Variants in GPC5 observed in about 807,000 individuals in gnomAD.
GPC5 encodes the protein glypican 5, also known as glypican-5.
GPC5 carries 47 observed loss-of-function variants against 53.9 expected under a neutral mutation model. The ratio of observed to expected loss-of-function variants is 0.87; its 90% CI spans 0.69 to 1.11. GPC5 has a LOEUF of 1.11. Ranked by LOEUF, GPC5 falls within the 50% of genes most tolerant of loss-of-function variation. GPC5 has a pLI of 0.00. For missense variants in GPC5, 748 were observed against 713.1 expected (o/e 1.05, Z -0.56); for synonymous variants, 286 against 263.3 (o/e 1.09, Z -0.84).
intron 2 of GPC5, among the ~76,000 whole-genome samples, chr13:91,544,537 T>A (rs996810776): frequency 2.6e-5 from 4 of 152,240 alleles, no homozygotes; most frequent in African/African-American, 9.6e-5. Flanking sequence ...CAACATACAG[T>A]CATTAAATAT....
intron 1 of GPC5, among the ~76,000 whole-genome samples, chr13:91,416,169 G>C (rs77333753): frequency 0.035 from 5,334 of 152,072 alleles, 141 homozygotes; most frequent in Non-Finnish European, 0.052. Flanking sequence ...TACAGTATAG[G>C]GCTGCCCATT....
intron 5 of GPC5, among the ~76,000 whole-genome samples, chr13:91,827,718 T>C (rs1183122299): frequency 6.6e-6 from 1 of 152,094 alleles, no homozygotes; most frequent in Non-Finnish European, 1.5e-5. Flanking sequence ...GCTGAGCGTA[T>C]AGAATAACTC....
At chr13:91,887,835 A>C (rs758462866) in intron 5 of GPC5, among the ~76,000 whole-genome samples, 1 of 152,050 alleles carries the variant, frequency 6.6e-6, no homozygotes, top group Non-Finnish European at 1.5e-5. Context: ...AAGTTCCAAA[A>C]TTTTCTACAT....
At chr13:92,659,855 A>T (rs558208564) in intron 7 of GPC5, among the ~76,000 whole-genome samples, 1 of 152,258 alleles carries the variant, frequency 6.6e-6, no homozygotes, top group African/African-American at 2.4e-5. Flanking sequence ...AAAGGAAGGA[A>T]GTCTATCAGA....
intron 7 of GPC5, among the ~76,000 whole-genome samples, chr13:92,862,505 A>T (rs754524223): frequency 2.0e-5 from 3 of 152,012 alleles, no homozygotes; most frequent in African/African-American, 4.8e-5. Context: ...TCACCATTGG[A>T]ATGGTGAAAA....
Position 92,234,747 on chromosome 13 carries a change from G to T in GPC5, c.1561+89758G>T, listed in dbSNP as rs188704826. Among the ~76,000 whole-genome samples, 442 of 152,220 alleles carry T rather than the reference G, an allele frequency of 2.9e-3. 3 individuals are homozygous for T. Among genetic ancestry groups the T allele is most frequent in the African/African-American group, 9.8e-3 (406 of 41,534 alleles). On this transcript the variant is annotated intron_variant, in intron 7 of 7. Transcript: ENST00000377067. ...TTATTTATTTTCTTCTTTGAGAAAG[G>T]AATAGCACTTTTCTCAAAAGAATTC...
intron 7 of GPC5, among the ~76,000 whole-genome samples, chr13:92,346,903 AAAATT>A (rs2043417544): frequency 6.6e-6 from 1 of 152,228 alleles, no homozygotes; most frequent in African/African-American, 2.4e-5. Flanking sequence ...ATTGAACTGA[AAAATT>A]AAATAGATTC....
chr13:92,008,742 C>G (rs2040633616), intron 6 of GPC5, among the ~76,000 whole-genome samples: 1 of 152,082 alleles, frequency 6.6e-6, no homozygotes, highest in Non-Finnish European at 1.5e-5. Context: ...AGATTTTTGA[C>G]ATTACTTCTT....
chr13:91,829,763 G>A (rs1031720423), intron 5 of GPC5, among the ~76,000 whole-genome samples: 5 of 152,100 alleles, frequency 3.3e-5, no homozygotes, highest in African/African-American at 7.2e-5. Context: ...ATCACATGTC[G>A]GTAGGTTCCG....
At chr13:91,432,513 A>G (rs148436401) in intron 1 of GPC5, among the ~76,000 whole-genome samples, 2 of 152,304 alleles carry the variant, frequency 1.3e-5, no homozygotes, top group African/African-American at 4.8e-5. Flanking sequence ...CAGTGATACC[A>G]TTTATGTATA....
intron 7 of GPC5, among the ~76,000 whole-genome samples, chr13:92,523,298 T>C (rs1353715709): frequency 2.6e-5 from 4 of 152,120 alleles, no homozygotes; most frequent in African/African-American, 9.7e-5. Context: ...TTGCTGACAT[T>C]TTCTGGGCTG....
intron 5 of GPC5, among the ~76,000 whole-genome samples, chr13:91,810,558 C>T (rs1055952155): frequency 5.3e-5 from 8 of 151,722 alleles, no homozygotes; most frequent in African/African-American, 1.9e-4. Context: ...AATTTAATTT[C>T]TCAAAGACCT....
intron 6 of GPC5, among the ~76,000 whole-genome samples, chr13:92,061,615 A>T (rs2041124558): frequency 6.6e-6 from 1 of 152,084 alleles, no homozygotes; most frequent in Non-Finnish European, 1.5e-5. Flanking sequence ...TTATCTAGAA[A>T]TATTAAATAG....
chr13:92,792,130 G>A (rs1876487839), intron 7 of GPC5, among the ~76,000 whole-genome samples: 1 of 152,064 alleles, frequency 6.6e-6, no homozygotes, highest in African/African-American at 2.4e-5. Context: ...AGGTTGAAAT[G>A]AAGGAAAAAA....
chr13:91,536,372 G>A (rs1248633294), intron 2 of GPC5, among the ~76,000 whole-genome samples: 2 of 152,124 alleles, frequency 1.3e-5, no homozygotes, highest in African/African-American at 2.4e-5. Context: ...CTCACTAGTG[G>A]CCTCGAGAAA....
chr13:92,727,569 A>T (rs933088104), intron 7 of GPC5, among the ~76,000 whole-genome samples: 2 of 151,328 alleles, frequency 1.3e-5, no homozygotes, highest in Non-Finnish European at 3.0e-5. Context: ...TAATATTACA[A>T]GTGGCCCCAT....
chr13:92,852,977 T>G (rs545493219), intron 7 of GPC5, among the ~76,000 whole-genome samples: 1 of 152,282 alleles, frequency 6.6e-6, no homozygotes, highest in South Asian at 2.1e-4. Flanking sequence ...CAGATCACAC[T>G]TGTCTAACAA....
chr13:91,412,240 T>C (rs1319851901), intron 1 of GPC5, among the ~76,000 whole-genome samples: 2 of 152,274 alleles, frequency 1.3e-5, no homozygotes, highest in Non-Finnish European at 2.9e-5. Context: ...TTTAACCCAG[T>C]GCCTTTTCGT....
At chr13:92,640,092 G>GAT (rs952309817) in intron 7 of GPC5, among the ~76,000 whole-genome samples, 39 of 151,830 alleles carry the variant, frequency 2.6e-4, no homozygotes, top group African/African-American at 8.9e-4. Context: ...GTATGAGACA[G>GAT]ATATATATGT....
Sources: allele counts gnomAD v4.1 joint callset (sites outside exome capture counted in the v4.1 genomes callset), GRCh38; gene constraint gnomAD v4.1.1; transcripts MANE v1.5; gene names NCBI Gene and HGNC (gene_info 2026-07-23, HGNC 2026-07-21).